Variants in LSM4 observed in about 807,000 individuals in gnomAD.
LSM4 encodes LSM4 homolog, U6 small nuclear RNA and mRNA degradation associated, also known as U6 snRNA-associated Sm-like protein LSm4.
Under a neutral mutation model 22.3 loss-of-function variants are expected in LSM4, and 15 were observed. The observed-to-expected ratio is 0.67, with a 90% CI of 0.45 to 1.03. The LOEUF is 1.03. Among genes scored for constraint, LSM4 ranks in the 50% least tolerant of loss-of-function variants. The pLI is 0.00. For synonymous variants in LSM4, 90 were observed against 79.8 expected (o/e 1.13, Z -0.68); for missense variants, 127 against 198.0 (o/e 0.64, Z 2.15).
Position 18,322,318 on chromosome 19 carries a change from G to A in LSM4, c.3+700C>T, listed in dbSNP as rs544900134. On this transcript the variant is annotated intron_variant, in intron 1 of 4. Transcript: ENST00000593829. ...GAATTCCTTTTCCGATCTGCACAGT[G>A]GGGGACACGGGCACTTTCTAGCCCA... 8.5e-5 allele frequency among the ~76,000 whole-genome samples: 13 copies of A among 152,252 alleles called. 1 individual carries two copies. The South Asian group carries it at 2.5e-3, about 29-fold the overall frequency.
At chr19:18,317,493 C>T (rs1299743690) in intron 1 of LSM4, among the ~76,000 whole-genome samples, 1 of 151,768 alleles carries the variant, frequency 6.6e-6, no homozygotes, top group African/African-American at 2.4e-5. Flanking sequence ...CCACCATGCC[C>T]GGCTAATTTT....
At chr19:18,321,252 A>G (rs1970421713) in intron 1 of LSM4, among the ~76,000 whole-genome samples, 1 of 152,214 alleles carries the variant, frequency 6.6e-6, no homozygotes, top group South Asian at 2.1e-4. Context: ...TGCTCCCACA[A>G]AACTTAACAC....
chr19:18,307,940 TC>T (rs1469180329), intron 4 of LSM4, among the ~76,000 whole-genome samples: 2 of 129,146 alleles, frequency 1.5e-5, no homozygotes, highest in African/African-American at 6.2e-5. Flanking sequence ...GGCTGGGGGC[TC>T]CCTGGCGGGG....
At chr19:18,314,714 C>T (rs1388963868) in intron 2 of LSM4, among the ~76,000 whole-genome samples, 2 of 152,070 alleles carry the variant, frequency 1.3e-5, no homozygotes, top group African/African-American at 4.8e-5. Context: ...GAGACGGCAG[C>T]TGCCTCATGC....
intron 3 of LSM4, among the ~76,000 whole-genome samples, chr19:18,310,447 C>T (rs905769703): frequency 6.6e-6 from 1 of 152,174 alleles, no homozygotes; most frequent in African/African-American, 2.4e-5. Context: ...AATGGGGGGA[C>T]TTGGGTCCTG....
chr19:18,308,494 C>G (rs1240589435), intron 4 of LSM4, among the ~76,000 whole-genome samples: 1 of 152,262 alleles, frequency 6.6e-6, no homozygotes, highest in Non-Finnish European at 1.5e-5. Flanking sequence ...CCAAGGCCAG[C>G]AAGAGGAGCT....
intron 1 of LSM4, among the ~76,000 whole-genome samples, chr19:18,321,152 AG>A (rs1970420644): frequency 6.6e-6 from 1 of 152,238 alleles, no homozygotes. Context: ...GATGTTCAGA[AG>A]GTGGGAAGGG....
rs754958260 is a variant in LSM4, at chr19:18,307,434, G to A, written c.*30C>T. On this transcript the variant is annotated 3_prime_UTR_variant, in exon 5 of 5. Transcript: ENST00000593829. ...GAGCGGAATCGCCACCCTGGCAGGA[G>A]GGGGCGCAGCAGCCGGTCTGGGTGG... 2.0e-6 allele frequency: 3 copies of A among 1,483,724 alleles called. No homozygotes were observed. The South Asian group carries it at 3.9e-5, about 19-fold the overall frequency. 91.9% of individuals were successfully genotyped at this position (1,483,724 alleles called of 1,614,324 possible). A position where few individuals can be genotyped will look rare whatever the true frequency, so the allele number is the denominator to read the frequency against.
rs1234492736 is a variant in LSM4 at position 18,322,892 on chromosome 19, G to GC, written c.3+125dup. ...CAGTTTCCCAGCCTCGTGCCGGGGG[G>GC]CGGGACTCGAGGCTCGGACCTTACG... On this transcript the variant is annotated intron_variant, in intron 1 of 4. Coordinates refer to ENST00000593829, the MANE Select transcript of LSM4 (RefSeq NM_012321.5). The GC allele has an allele frequency of 1.1e-4, 150 of 1,354,634 alleles. 1 individual carries two copies. The highest frequency in any genetic ancestry group is 4.0e-5 in the Admixed American group (2 of 50,260). 83.9% of individuals were successfully genotyped at this position (1,354,634 alleles called of 1,614,324 possible). A position where few individuals can be genotyped will look rare whatever the true frequency, so the allele number is the denominator to read the frequency against.
At chr19:18,314,150 T>C (rs1159968700) in intron 2 of LSM4, among the ~76,000 whole-genome samples, 1 of 152,048 alleles carries the variant, frequency 6.6e-6, no homozygotes, top group African/African-American at 2.4e-5. Context: ...CATACAAAAA[T>C]GTGTGCGTGA....
chr19:18,311,330 G>A (rs938896379), intron 3 of LSM4, among the ~76,000 whole-genome samples: 14 of 152,150 alleles, frequency 9.2e-5, no homozygotes, highest in African/African-American at 2.9e-4. Context: ...CACTTAGATG[G>A]GGACGATGTG....
rs1287897819 is a variant in LSM4 at position 18,307,382 on chromosome 19, T to G, written c.*82A>C. The G allele has an allele frequency of 6.7e-6, 8 of 1,188,572 alleles. No individual in the cohort carries two copies. Among genetic ancestry groups the G allele is most frequent in the Non-Finnish European group, 8.8e-6 (8 of 912,996 alleles). The allele number at this position is 1,188,572 out of a possible 1,614,324, so 73.6% of individuals were successfully genotyped here. On this transcript the variant is annotated 3_prime_UTR_variant, in exon 5 of 5. Transcript: ENST00000593829. ...TTCCCCCTGGCGCCTGCCTCTTCCT[T>G]TCTGAGCAGATCCGTCCGAGACTGT...
intron 1 of LSM4, among the ~76,000 whole-genome samples, chr19:18,317,699 ATT>A (rs963501107): frequency 6.8e-6 from 1 of 147,284 alleles, no homozygotes; most frequent in African/African-American, 2.5e-5. Flanking sequence ...AACTTTCAAG[ATT>A]TTTTTTTTTG....
In LSM4 at chr19:18,323,054, C is replaced by G; in HGVS notation, c.-34G>C. On this transcript the variant is annotated 5_prime_UTR_variant, in exon 1 of 5. Coordinates refer to ENST00000593829, the MANE Select transcript of LSM4 (RefSeq NM_012321.5). ...CGGGGACCGGGCTCGCCGGCCACTT[C>G]CGCCGCCGCCGCTGCACACGCTCCC... 9.2e-6 allele frequency: 14 copies of G among 1,514,004 alleles called. No homozygotes were observed. Among genetic ancestry groups the G allele is most frequent in the Non-Finnish European group, 1.1e-5 (13 of 1,138,126 alleles). 93.8% of individuals were successfully genotyped at this position (1,514,004 alleles called of 1,614,324 possible). A position where few individuals can be genotyped will look rare whatever the true frequency, so the allele number is the denominator to read the frequency against.
At chr19:18,313,384 GAT>G (rs1224981258) in intron 2 of LSM4, among the ~76,000 whole-genome samples, 1 of 152,232 alleles carries the variant, frequency 6.6e-6, no homozygotes, top group Non-Finnish European at 1.5e-5. Flanking sequence ...CACAACACCA[GAT>G]ATTTGGGCTT....
intron 2 of LSM4, 67 bp downstream of exon 2, chr19:18,315,957 A>C: frequency 6.6e-7 from 1 of 1,507,862 alleles, no homozygotes; most frequent in Non-Finnish European, 9.2e-7. Flanking sequence ...CCGTCTGCTC[A>C]GCCACCGCCC....
chr19:18,314,347 C>T (rs886258216), intron 2 of LSM4, among the ~76,000 whole-genome samples: 2 of 151,274 alleles, frequency 1.3e-5, no homozygotes, highest in African/African-American at 4.9e-5. Flanking sequence ...AGTGAAACCC[C>T]GTCTCTACTA....
At position 18,312,656 on chromosome 19, in the gene LSM4, C is replaced by T; in HGVS notation, c.92G>A (p.Ser31Asn). 2 of 1,614,058 alleles carry T rather than the reference C, an allele frequency of 1.2e-6. No individual in the cohort carries two copies. The highest frequency in any genetic ancestry group is 2.2e-5 in the South Asian group (2 of 91,086). ...NGETYNGHLV[S>N]CDNWMNINLR... is the part of the protein sequence containing the mutation. ...GTTAATGTTCATCCAGTTGTCGCAG[C>T]TCACCAGGTGTCCATTGTACGTCTC... The change falls in exon 3 of 5, where the codon AGC (serine) becomes AAC (asparagine). Residue 31 changes from serine (S) to asparagine (N), a missense_variant. Coordinates refer to ENST00000593829, the MANE Select transcript of LSM4 (RefSeq NM_012321.5).
intron 1 of LSM4, among the ~76,000 whole-genome samples, chr19:18,316,828 A>AT (rs1970362341): frequency 6.6e-6 from 1 of 152,146 alleles, no homozygotes; most frequent in Non-Finnish European, 1.5e-5. Flanking sequence ...GCACAAGACC[A>AT]TGCCTTGCAG....
Sources: allele counts gnomAD v4.1 joint callset (sites outside exome capture counted in the v4.1 genomes callset), GRCh38; gene constraint gnomAD v4.1.1; transcripts MANE v1.5; gene names NCBI Gene and HGNC (gene_info 2026-07-23, HGNC 2026-07-21).